Variants in ARHGEF26 observed in about 807,000 individuals in gnomAD.
ARHGEF26 encodes the protein Rho guanine nucleotide exchange factor (GEF) 26.
In ARHGEF26, 59 loss-of-function variants were observed where a neutral mutation model predicts 89.4. The ratio of observed to expected loss-of-function variants is 0.66; its 90% CI spans 0.54 to 0.82. The LOEUF (loss-of-function observed/expected upper bound fraction) is 0.82, where lower values mean the gene tolerates loss of function less well. Ranked by LOEUF, ARHGEF26 falls within the 40% of genes least tolerant of loss-of-function variation. ARHGEF26 has a pLI of 0.00. For missense variants in ARHGEF26, 1,234 were observed against 1,085.6 expected, an observed-to-expected ratio of 1.14 and a Z score of -1.92; for synonymous variants, 500 against 428.4, an observed-to-expected ratio of 1.17 and a Z score of -2.06.
At chr3:154,213,241 G>GTA (rs750841371) in intron 9 of ARHGEF26, among the ~76,000 whole-genome samples, 12 of 145,560 alleles carry the variant, frequency 8.2e-5, no homozygotes, top group South Asian at 2.3e-4. Flanking sequence ...GTGTGTGTGT[G>GTA]TATATATATA....
Position 154,122,123 on chromosome 3 carries a change from A to T in ARHGEF26, c.131A>T (p.Asn44Ile), listed in dbSNP as rs369109073. The stretch of plus-strand genomic sequence containing the variant: ...AGGCCCCAGTCCTACCAGAGCCCCA[A>T]CGGGTTACTAATTACGGATTTCCCG... ...KPRPQSYQSPNGLLITDFPVE... is the reference protein window; with the variant it reads ...KPRPQSYQSPIGLLITDFPVE... Residue 44 changes from asparagine to isoleucine, a missense_variant, in exon 2 of 15, where the codon AAC becomes ATC. Asn to Ile is a moderately radical substitution (Grantham distance 149). Coordinates refer to ENST00000465093, the MANE Select transcript of ARHGEF26 (RefSeq NM_015595.4). 15 of 1,607,246 alleles carry T rather than the reference A, an allele frequency of 9.3e-6. No homozygotes were observed. Among genetic ancestry groups the T allele is most frequent in the Non-Finnish European group, 1.3e-5 (15 of 1,176,968 alleles).
intron 6 of ARHGEF26, among the ~76,000 whole-genome samples, chr3:154,186,165 A>ACACACACACCC (rs766757043): frequency 6.7e-6 from 1 of 150,138 alleles, no homozygotes; most frequent in African/African-American, 2.5e-5. Flanking sequence ...ACACACACAC[A>ACACACACACCC]CCCCTATACA....
At position 154,254,704 on chromosome 3, in the gene ARHGEF26, CCT is replaced by C; in HGVS notation, c.2369-13_2369-12del. 1.2e-6 allele frequency: 2 copies of C among 1,607,362 alleles called. No homozygotes were observed. The highest frequency in any genetic ancestry group is 1.7e-6 in the Non-Finnish European group (2 of 1,174,546). The stretch of plus-strand genomic sequence containing the variant: ...CTCTGCTACTGGAAACTTAGTATGT[CCT>C]CTTTTGGCCTCAGCACTGACCCAGG... On this transcript the variant is annotated splice_polypyrimidine_tract_variant and intron_variant, in intron 13 of 14. Coordinates refer to ENST00000465093, the MANE Select transcript of ARHGEF26 (RefSeq NM_015595.4).
chr3:154,153,028 T>A, intron 6 of ARHGEF26, 96 bp downstream of exon 6: 2 of 1,144,430 alleles, frequency 1.7e-6, no homozygotes, highest in Non-Finnish European at 2.3e-6. Context: ...GGTTATCAAG[T>A]CTCATTCAGT....
intron 11 of ARHGEF26, among the ~76,000 whole-genome samples, chr3:154,231,833 A>G (rs1716843916): frequency 1.3e-5 from 2 of 152,136 alleles, no homozygotes; most frequent in Admixed American, 6.5e-5. Context: ...TGAGTGAGGA[A>G]AAACTATTGG....
intron 3 of ARHGEF26, among the ~76,000 whole-genome samples, chr3:154,125,896 G>C (rs1036953140): frequency 6.6e-6 from 1 of 152,058 alleles, no homozygotes; most frequent in Non-Finnish European, 1.5e-5. Flanking sequence ...TGTGATATTA[G>C]AGCCAGGCAG....
At chr3:154,188,618 G>GT (rs1349548071) in intron 7 of ARHGEF26, among the ~76,000 whole-genome samples, 1 of 152,162 alleles carries the variant, frequency 6.6e-6, no homozygotes, top group Non-Finnish European at 1.5e-5. Context: ...CTTAATGGCT[G>GT]TTATCGTTCT....
chr3:154,193,303 A>G (rs1714063563), intron 8 of ARHGEF26, among the ~76,000 whole-genome samples: 1 of 152,130 alleles, frequency 6.6e-6, no homozygotes, highest in South Asian at 2.1e-4. Context: ...TGGTTCATTT[A>G]TGTGTGCATG....
intron 11 of ARHGEF26, among the ~76,000 whole-genome samples, chr3:154,239,306 G>GTATA (rs1157772100): frequency 0.021 from 593 of 28,098 alleles, 9 homozygotes; most frequent in African/African-American, 0.052. Flanking sequence ...GAGAGTGTGT[G>GTATA]TGTGTGTGTG....
intron 7 of ARHGEF26, among the ~76,000 whole-genome samples, chr3:154,189,471 G>A (rs1713813425): frequency 6.6e-6 from 1 of 151,448 alleles, no homozygotes; most frequent in African/African-American, 2.4e-5. Context: ...CCGTGTAGCT[G>A]GGACTACAAG....
intron 6 of ARHGEF26, among the ~76,000 whole-genome samples, chr3:154,154,312 G>A (rs1720196788): frequency 6.6e-6 from 1 of 151,920 alleles, no homozygotes; most frequent in Non-Finnish European, 1.5e-5. Context: ...TTGAAATGAG[G>A]TGGTATTTAA....
At position 154,124,372 on chromosome 3, in the gene ARHGEF26, C is replaced by CTTTTT. The variant is rs10688646; in HGVS notation, c.1084-24_1084-20dup. 5.4e-3 allele frequency: 5,474 copies of CTTTTT among 1,006,678 alleles called. 15 individuals carry two copies. Among genetic ancestry groups the CTTTTT allele is most frequent in the African/African-American group, 0.012 (596 of 48,754 alleles). 62.4% of individuals were successfully genotyped at this position (1,006,678 alleles called of 1,614,324 possible). A position where few individuals can be genotyped will look rare whatever the true frequency, so the allele number is the denominator to read the frequency against. On this transcript the variant is annotated intron_variant, in intron 2 of 14. Coordinates refer to ENST00000465093, the MANE Select transcript of ARHGEF26 (RefSeq NM_015595.4). ...CTCATTCATACATAGTTTGCTTTTC[C>CTTTTT]TTTTTTTTTTTTTTTTTTACTTTTT...
intron 4 of ARHGEF26, among the ~76,000 whole-genome samples, chr3:154,146,404 G>A (rs748890817): frequency 7.5e-6 from 1 of 133,658 alleles, no homozygotes; most frequent in Non-Finnish European, 1.7e-5. Context: ...AAAGGAAACC[G>A]GCATGATTTT....
At chr3:154,198,809 C>T (rs1714443071) in intron 9 of ARHGEF26, among the ~76,000 whole-genome samples, 1 of 152,072 alleles carries the variant, frequency 6.6e-6, no homozygotes, top group South Asian at 2.1e-4. Context: ...ACCAAAATCT[C>T]CTAAATCACC....
At chr3:154,173,146 A>G (rs749474770) in intron 6 of ARHGEF26, among the ~76,000 whole-genome samples, 27 of 152,078 alleles carry the variant, frequency 1.8e-4, no homozygotes, top group Middle Eastern at 3.2e-3. Context: ...ATTTCAAGGG[A>G]ATTTATTAGA....
chr3:154,188,937 G>A (rs772977450), intron 7 of ARHGEF26, among the ~76,000 whole-genome samples: 2 of 152,130 alleles, frequency 1.3e-5, no homozygotes, highest in African/African-American at 2.4e-5. Flanking sequence ...AGTCTTTGTG[G>A]TGGGCTGTCC....
intron 10 of ARHGEF26, among the ~76,000 whole-genome samples, chr3:154,219,090 G>T (rs528469287): frequency 6.6e-6 from 1 of 152,146 alleles, no homozygotes; most frequent in African/African-American, 2.4e-5. Context: ...TAATGTTCTT[G>T]TACAGAATTT....
chr3:154,192,728 T>C (rs1471289762), intron 8 of ARHGEF26, among the ~76,000 whole-genome samples: 1 of 152,250 alleles, frequency 6.6e-6, no homozygotes, highest in Non-Finnish European at 1.5e-5. Context: ...CATGACTATT[T>C]TTTTAAGCAA....
intron 6 of ARHGEF26, among the ~76,000 whole-genome samples, chr3:154,173,702 C>CTATTGCT (rs1712618814): frequency 6.6e-6 from 1 of 152,142 alleles, no homozygotes; most frequent in African/African-American, 2.4e-5. Flanking sequence ...TTTTTGCAAT[C>CTATTGCT]TATTGCTTGT....
Sources: allele counts gnomAD v4.1 joint callset (sites outside exome capture counted in the v4.1 genomes callset), GRCh38; gene constraint gnomAD v4.1.1; transcripts MANE v1.5; gene names NCBI Gene and HGNC (gene_info 2026-07-23, HGNC 2026-07-21).